Variants in TMEM132D observed in about 807,000 individuals in gnomAD.
The protein encoded by TMEM132D is mature OL transmembrane protein.
In TMEM132D, 21 loss-of-function variants were observed where a neutral mutation model predicts 62.3. That is an observed-to-expected ratio of 0.34 (90% CI 0.24 to 0.49). TMEM132D has a LOEUF of 0.49. Among genes scored for constraint, TMEM132D ranks in the 20% least tolerant of loss-of-function variants. The pLI, the probability that TMEM132D is intolerant of heterozygous loss-of-function variation, is 0.99. For synonymous variants in TMEM132D, 621 were observed against 575.6 expected (o/e 1.08, Z -1.13); for missense variants, 1,346 against 1,402.8 (o/e 0.96, Z 0.65).
intron 1 of TMEM132D, among the ~76,000 whole-genome samples, chr12:129,788,930 G>T (rs1228671716): frequency 1.3e-5 from 2 of 152,168 alleles, no homozygotes; most frequent in Non-Finnish European, 2.9e-5. Context: ...CAGGGATGCC[G>T]TGAGTGATGG....
intron 3 of TMEM132D, among the ~76,000 whole-genome samples, chr12:129,520,089 T>C (rs1012949910): frequency 6.6e-6 from 1 of 152,198 alleles, no homozygotes; most frequent in Non-Finnish European, 1.5e-5. Flanking sequence ...TCTGTCACCA[T>C]AGGTGTGTAA....
intron 2 of TMEM132D, among the ~76,000 whole-genome samples, chr12:129,605,482 C>T (rs539875766): frequency 6.6e-6 from 1 of 151,510 alleles, no homozygotes; most frequent in East Asian, 1.9e-4. Context: ...CTGAATAGTA[C>T]TTGAATGACA....
chr12:129,260,630 T>C (rs908119857), intron 4 of TMEM132D, among the ~76,000 whole-genome samples: 6 of 152,198 alleles, frequency 3.9e-5, no homozygotes, highest in African/African-American at 1.4e-4. Context: ...AAGTGCACAG[T>C]GTACCCAATA....
intron 2 of TMEM132D, among the ~76,000 whole-genome samples, chr12:129,653,698 CTTT>C (rs1474137902): frequency 6.6e-6 from 1 of 152,036 alleles, no homozygotes; most frequent in African/African-American, 2.4e-5. Context: ...AAAAATAAAC[CTTT>C]TTTATTTTGG....
At chr12:129,685,112 A>C (rs1224181314) in intron 2 of TMEM132D, among the ~76,000 whole-genome samples, 1 of 152,248 alleles carries the variant, frequency 6.6e-6, no homozygotes, top group Non-Finnish European at 1.5e-5. Context: ...ATAGAAAATA[A>C]AAACCCATTT....
chr12:129,861,423 G>A (rs1175786831), intron 1 of TMEM132D, among the ~76,000 whole-genome samples: 1 of 152,142 alleles, frequency 6.6e-6, no homozygotes, highest in Non-Finnish European at 1.5e-5. Context: ...ACCAGGTTAG[G>A]AAAATGAGAG....
chr12:129,085,010 G>A, intron 5 of TMEM132D: 2 of 521,194 alleles, frequency 3.8e-6, no homozygotes, highest in Non-Finnish European at 3.4e-6. Flanking sequence ...TTCCGTAGAA[G>A]ACTGCCCTTA....
intron 3 of TMEM132D, among the ~76,000 whole-genome samples, chr12:129,448,722 C>A (rs575571632): frequency 6.6e-5 from 10 of 152,164 alleles, no homozygotes; most frequent in Non-Finnish European, 1.5e-4. Flanking sequence ...AAACTTTAAT[C>A]ATACAGGAAA....
chr12:129,104,013 C>T (rs924704827), intron 5 of TMEM132D, among the ~76,000 whole-genome samples: 1 of 151,952 alleles, frequency 6.6e-6, no homozygotes, highest in Non-Finnish European at 1.5e-5. Flanking sequence ...GCTACCAATG[C>T]CTTTCTTCAC....
At chr12:129,647,673 A>C (rs1000937152) in intron 2 of TMEM132D, among the ~76,000 whole-genome samples, 2 of 152,318 alleles carry the variant, frequency 1.3e-5, no homozygotes, top group African/African-American at 4.8e-5. Context: ...TACTGGAGAC[A>C]TTGAGCATTG....
intron 3 of TMEM132D, among the ~76,000 whole-genome samples, chr12:129,388,475 C>T (rs1402786304): frequency 8.9e-6 from 1 of 112,936 alleles, no homozygotes; most frequent in Non-Finnish European, 2.1e-5. Flanking sequence ...TTAACACCAA[C>T]ACAAATCCTA....
At chr12:129,696,834 G>C (rs186623460) in intron 2 of TMEM132D, among the ~76,000 whole-genome samples, 227 of 152,304 alleles carry the variant, frequency 1.5e-3, no homozygotes, top group Middle Eastern at 3.4e-3. Context: ...GATTGAATGA[G>C]ATCGTTAGAT....
At chr12:129,169,935 C>T (rs1877673952) in intron 5 of TMEM132D, among the ~76,000 whole-genome samples, 1 of 152,178 alleles carries the variant, frequency 6.6e-6, no homozygotes, top group African/African-American at 2.4e-5. Context: ...CTTATATTTT[C>T]TAACACATTA....
intron 2 of TMEM132D, among the ~76,000 whole-genome samples, chr12:129,684,961 C>A (rs947901096): frequency 6.6e-6 from 1 of 152,114 alleles, no homozygotes; most frequent in Admixed American, 6.5e-5. Flanking sequence ...AATTTCTAAG[C>A]AGCAACGTGT....
At chr12:129,114,295 A>G (rs552629197) in intron 5 of TMEM132D, among the ~76,000 whole-genome samples, 1 of 152,084 alleles carries the variant, frequency 6.6e-6, no homozygotes, top group Non-Finnish European at 1.5e-5. Flanking sequence ...AAGGACAGTG[A>G]TGCTGCTAAA....
chr12:129,336,317 T>G (rs1869269640), intron 4 of TMEM132D, among the ~76,000 whole-genome samples: 1 of 152,054 alleles, frequency 6.6e-6, no homozygotes, highest in Non-Finnish European at 1.5e-5. Flanking sequence ...GTGGCTCACA[T>G]CTGTAATCCC....
chr12:129,896,276 T>C, intron 1 of TMEM132D, among the ~76,000 whole-genome samples: 1 of 152,074 alleles, frequency 6.6e-6, no homozygotes, highest in Non-Finnish European at 1.5e-5. Context: ...ACATGAGCCA[T>C]CATGCTTGGC....
chr12:129,841,007 G>A (rs981770788), intron 1 of TMEM132D, among the ~76,000 whole-genome samples: 1 of 152,174 alleles, frequency 6.6e-6, no homozygotes, highest in African/African-American at 2.4e-5. Flanking sequence ...AACTGGGGGA[G>A]TCTCTGGCAG....
chr12:129,146,724 T>C (rs1565978200), intron 5 of TMEM132D, among the ~76,000 whole-genome samples: 1 of 152,176 alleles, frequency 6.6e-6, no homozygotes, highest in Non-Finnish European at 1.5e-5. Flanking sequence ...AACTGCTACA[T>C]ATCCTCCAGA....
Sources: allele counts gnomAD v4.1 joint callset (sites outside exome capture counted in the v4.1 genomes callset), GRCh38; gene constraint gnomAD v4.1.1; transcripts MANE v1.5; gene names NCBI Gene and HGNC (gene_info 2026-07-23, HGNC 2026-07-21).